FHIT: variants seen among roughly 807,000 people sequenced by gnomAD.
FHIT encodes the protein fragile histidine triad diadenosine triphosphatase.
Under a neutral mutation model 17.9 loss-of-function variants are expected in FHIT, and 19 were observed. The ratio of observed to expected loss-of-function variants is 1.06; its 90% CI spans 0.74 to 1.56. The LOEUF is 1.56. Among genes scored for constraint, FHIT ranks in the 40% most tolerant of loss-of-function variants. FHIT has a pLI of 0.00. For missense variants in FHIT, 248 were observed against 189.2 expected, an observed-to-expected ratio of 1.31 and a Z score of -1.82; for synonymous variants, 81 against 69.7, an observed-to-expected ratio of 1.16 and a Z score of -0.81.
At chr3:60,209,566 C>T (rs1393408557) in intron 5 of FHIT, among the ~76,000 whole-genome samples, 1 of 152,126 alleles carries the variant, frequency 6.6e-6, no homozygotes, top group African/African-American at 2.4e-5. Flanking sequence ...GTAAAAATCT[C>T]ATTCCCTCTG....
intron 3 of FHIT, among the ~76,000 whole-genome samples, chr3:60,987,110 T>G (rs1485282944): frequency 2.6e-5 from 4 of 152,072 alleles, no homozygotes; most frequent in Non-Finnish European, 5.9e-5. Flanking sequence ...TGAAGTGGGG[T>G]CTAACATCAA....
At chr3:61,209,045 G>C (rs1051130450) in intron 1 of FHIT, among the ~76,000 whole-genome samples, 7 of 152,006 alleles carry the variant, frequency 4.6e-5, no homozygotes, top group Non-Finnish European at 8.8e-5. Flanking sequence ...TTGCTTGTCT[G>C]TAAAGGATTT....
At chr3:59,938,519 G>C (rs1037006104) in intron 7 of FHIT, among the ~76,000 whole-genome samples, 1 of 152,032 alleles carries the variant, frequency 6.6e-6, no homozygotes, top group Non-Finnish European at 1.5e-5. Flanking sequence ...TACTGTATTT[G>C]GGATTCCTGC....
At chr3:60,225,232 T>A (rs1559741844) in intron 5 of FHIT, among the ~76,000 whole-genome samples, 1 of 152,214 alleles carries the variant, frequency 6.6e-6, no homozygotes, top group Non-Finnish European at 1.5e-5. Context: ...TTTGTATCCC[T>A]AGATACCTGA....
intron 5 of FHIT, among the ~76,000 whole-genome samples, chr3:60,345,055 T>C (rs1244063155): frequency 6.6e-6 from 1 of 152,228 alleles, no homozygotes; most frequent in Non-Finnish European, 1.5e-5. Flanking sequence ...GAAAATCATA[T>C]GCTTTATTTA....
chr3:60,483,716 A>C, intron 5 of FHIT, among the ~76,000 whole-genome samples: 1 of 152,184 alleles, frequency 6.6e-6, no homozygotes, highest in South Asian at 2.1e-4. Flanking sequence ...ACCCATAGCT[A>C]ATATCATATT....
At chr3:60,185,791 GTTT>G (rs1702134627) in intron 5 of FHIT, among the ~76,000 whole-genome samples, 1 of 152,060 alleles carries the variant, frequency 6.6e-6, no homozygotes, top group Non-Finnish European at 1.5e-5. Flanking sequence ...GGTATTGTCA[GTTT>G]TTGGTATTTG....
intron 4 of FHIT, among the ~76,000 whole-genome samples, chr3:60,644,111 C>A (rs2856065): frequency 6.6e-6 from 1 of 152,190 alleles, no homozygotes; most frequent in African/African-American, 2.4e-5. Context: ...ATTTCAAATA[C>A]TTCCTCTTAC....
At chr3:60,643,982 G>C (rs1475051895) in intron 4 of FHIT, among the ~76,000 whole-genome samples, 2 of 152,164 alleles carry the variant, frequency 1.3e-5, no homozygotes, top group African/African-American at 4.8e-5. Context: ...AAATATGTTT[G>C]GGCAATGCCA....
At position 60,652,954 on chromosome 3, in the gene FHIT, A is replaced by AAAACAAAACAAAACAAAACAAAACC. The variant is rs151052424; in HGVS notation, c.-17-115976_-17-115975insGGTTTTGTTTTGTTTTGTTTTGTTT. Among the ~76,000 whole-genome samples, 14 of 130,178 alleles carry AAAACAAAACAAAACAAAACAAAACC rather than the reference A, an allele frequency of 1.1e-4. No homozygotes were observed. The East Asian group carries it at 2.3e-3, about 22-fold the overall frequency. 85.4% of individuals were successfully genotyped at this position (130,178 alleles called of 152,430 possible). On this transcript the variant is annotated intron_variant, in intron 4 of 9. Coordinates refer to ENST00000492590, the MANE Select transcript of FHIT (RefSeq NM_002012.4). ...AAAACAAAACAAAACAAAACAAAAC[A>AAAACAAAACAAAACAAAACAAAACC]AAACCTTACTCTAGCACATTGCGAT...
chr3:60,309,822 C>T (rs542155211), intron 5 of FHIT, among the ~76,000 whole-genome samples: 1 of 152,108 alleles, frequency 6.6e-6, no homozygotes, highest in Non-Finnish European at 1.5e-5. Flanking sequence ...TCTCCAACTT[C>T]CTCTATCAGC....
intron 2 of FHIT, among the ~76,000 whole-genome samples, chr3:61,089,217 T>C (rs1303145374): frequency 3.9e-5 from 6 of 152,184 alleles, no homozygotes; most frequent in African/African-American, 1.4e-4. Context: ...AATATATACA[T>C]ACTGTGGTAA....
intron 2 of FHIT, among the ~76,000 whole-genome samples, chr3:61,071,449 T>C (rs2034804080): frequency 6.6e-6 from 1 of 152,188 alleles, no homozygotes; most frequent in Admixed American, 6.5e-5. Context: ...AGATATATCA[T>C]GTGTGGATGC....
chr3:60,866,205 G>C (rs188237969), intron 3 of FHIT, among the ~76,000 whole-genome samples: 1 of 152,236 alleles, frequency 6.6e-6, no homozygotes, highest in African/African-American at 2.4e-5. Context: ...AAAGTGTAGA[G>C]GATGTGCTAC....
chr3:60,172,972 C>T (rs558167730), intron 5 of FHIT, among the ~76,000 whole-genome samples: 4 of 152,180 alleles, frequency 2.6e-5, no homozygotes, highest in East Asian at 1.9e-4. Context: ...ATATGGGTAA[C>T]GAATAAAACA....
chr3:60,750,355 C>T (rs1049964012), intron 4 of FHIT, among the ~76,000 whole-genome samples: 6 of 152,126 alleles, frequency 3.9e-5, no homozygotes, highest in African/African-American at 9.7e-5. Flanking sequence ...ATGACAAGTT[C>T]CCCTCCTGAC....
At chr3:60,055,422 C>G (rs1360311817) in intron 5 of FHIT, among the ~76,000 whole-genome samples, 1 of 150,986 alleles carries the variant, frequency 6.6e-6, no homozygotes, top group Non-Finnish European at 1.5e-5. Flanking sequence ...GAGATGCCAA[C>G]TGACAAATGT....
chr3:60,792,835 T>TC (rs1378290471), intron 4 of FHIT, among the ~76,000 whole-genome samples: 1 of 147,616 alleles, frequency 6.8e-6, no homozygotes, highest in African/African-American at 2.5e-5. Context: ...AACAATTTCT[T>TC]TTTTTTTTTT....
intron 5 of FHIT, among the ~76,000 whole-genome samples, chr3:60,033,561 T>G (rs942589635): frequency 2.6e-5 from 4 of 152,024 alleles, no homozygotes; most frequent in African/African-American, 9.7e-5. Context: ...TATTGCCAAT[T>G]AGGGAATTTT....
Sources: gnomAD v4.1 joint callset for allele counts (sites outside exome capture counted in the v4.1 genomes callset) on GRCh38, gnomAD v4.1.1 for gene constraint, MANE v1.5 for transcripts, NCBI Gene and HGNC (gene_info 2026-07-23, HGNC 2026-07-21) for gene names.